VWC2L: variants seen among roughly 807,000 people sequenced by gnomAD.
VWC2L encodes von Willebrand factor C domain containing 2 like, also known as von Willebrand factor C domain-containing protein 2-like.
Under a neutral mutation model 21.6 loss-of-function variants are expected in VWC2L, and 10 were observed. The observed-to-expected ratio is 0.46, with a 90% confidence interval of 0.29 to 0.78. The LOEUF is 0.78. Among genes scored for constraint, VWC2L ranks in the 30% least tolerant of loss-of-function variants. The probability of loss-of-function intolerance (pLI) is 0.10; values close to 1 mark genes in which losing one functional copy is unlikely to be tolerated. For missense variants in VWC2L, 209 were observed against 277.1 expected (o/e 0.75, Z 1.74); for synonymous variants, 96 against 94.3 (o/e 1.02, Z -0.10).
chr2:214,422,910 C>G (rs1203535617), intron 2 of VWC2L, among the ~76,000 whole-genome samples: 1 of 152,094 alleles, frequency 6.6e-6, no homozygotes, highest in African/African-American at 2.4e-5. Flanking sequence ...TTAATTTTCC[C>G]ATTATGTCAC....
At chr2:214,570,654 T>C (rs1050321924) in intron 3 of VWC2L, among the ~76,000 whole-genome samples, 3 of 151,862 alleles carry the variant, frequency 2.0e-5, no homozygotes, top group African/African-American at 7.3e-5. Context: ...TGAGCCACCA[T>C]GCCCGGCAGG....
chr2:214,541,774 C>T (rs1051487541), intron 3 of VWC2L, among the ~76,000 whole-genome samples: 1 of 152,112 alleles, frequency 6.6e-6, no homozygotes, highest in Non-Finnish European at 1.5e-5. Flanking sequence ...AATCACAGAG[C>T]TTTTGTTTAT....
intron 3 of VWC2L, among the ~76,000 whole-genome samples, chr2:214,474,888 G>C (rs1688488708): frequency 6.6e-6 from 1 of 152,136 alleles, no homozygotes; most frequent in Non-Finnish European, 1.5e-5. Context: ...GCTTCTCCCA[G>C]CTTCCCAGTC....
At chr2:214,442,377 T>C (rs1200329689) in intron 3 of VWC2L, among the ~76,000 whole-genome samples, 1 of 152,084 alleles carries the variant, frequency 6.6e-6, no homozygotes, top group East Asian at 1.9e-4. Context: ...ACAAAAACAA[T>C]AGATGTGAAC....
chr2:214,451,317 G>A (rs529548197), intron 3 of VWC2L, among the ~76,000 whole-genome samples: 2 of 149,212 alleles, frequency 1.3e-5, no homozygotes, highest in African/African-American at 4.9e-5. Context: ...GTGGGGGGGG[G>A]GGGCAGTAAA....
chr2:214,433,853 T>C (rs979734203), intron 2 of VWC2L, among the ~76,000 whole-genome samples: 1 of 152,112 alleles, frequency 6.6e-6, no homozygotes, highest in Non-Finnish European at 1.5e-5. Context: ...CTGGAGAGGA[T>C]GGAAAGGGGT....
chr2:214,477,250 AG>A (rs1688538459), intron 3 of VWC2L, among the ~76,000 whole-genome samples: 1 of 152,218 alleles, frequency 6.6e-6, no homozygotes, highest in Non-Finnish European at 1.5e-5. Context: ...ACTATCCTAT[AG>A]CAATGTTGGG....
chr2:214,563,574 A>G lies in VWC2L; in HGVS notation c.521-12098A>G, dbSNP rs865972289. Among the ~76,000 whole-genome samples, 91 of 137,862 alleles carry G rather than the reference A, an allele frequency of 6.6e-4. 3 individuals are homozygous for G. In the South Asian group the frequency reaches 9.7e-3, roughly 15 times the overall value. 90.4% of individuals were successfully genotyped at this position (137,862 alleles called of 152,430 possible). A position where few individuals can be genotyped will look rare whatever the true frequency, so the allele number is the denominator to read the frequency against. Reference sequence around the variant, plus strand: ...AAAAAAAAAAAAAAAAAAAAAAAAAAAAAAAAATCAAGTGGTTCTAAATGT... The same window carrying G: ...AAAAAAAAAAAAAAAAAAAAAAAAAGAAAAAAATCAAGTGGTTCTAAATGT... On this transcript the variant is annotated intron_variant, in intron 3 of 3. Transcript: ENST00000312504.
At chr2:214,495,703 A>C (rs1688802339) in intron 3 of VWC2L, among the ~76,000 whole-genome samples, 1 of 152,166 alleles carries the variant, frequency 6.6e-6, no homozygotes, top group Admixed American at 6.6e-5. Flanking sequence ...TTATCTCTGT[A>C]AAAGTATTTG....
chr2:214,517,746 A>G (rs12619360), intron 3 of VWC2L, among the ~76,000 whole-genome samples: 20,925 of 152,274 alleles, frequency 0.14, 1,756 homozygotes, highest in East Asian at 0.27. Flanking sequence ...TGGTGATAAT[A>G]CAAGGCATAA....
In VWC2L at chr2:214,575,951, G is replaced by A. The variant is rs1159649935; in HGVS notation, c.*131G>A. The A allele has an allele frequency of 2.0e-6, 2 of 998,176 alleles. No homozygotes were observed. Among genetic ancestry groups the A allele is most frequent in the Non-Finnish European group, 2.9e-6 (2 of 695,580 alleles). 61.8% of individuals were successfully genotyped at this position (998,176 alleles called of 1,614,324 possible). ...AGGGTCACCAGCAAAACTTTCTAGGGTTGACAAAAGTGAATATTTTCCTAA... is the reference window on the plus strand; with the variant it reads ...AGGGTCACCAGCAAAACTTTCTAGGATTGACAAAAGTGAATATTTTCCTAA... On this transcript the variant is annotated 3_prime_UTR_variant, in exon 4 of 4. Coordinates refer to ENST00000312504, the MANE Select transcript of VWC2L (RefSeq NM_001080500.4).
intron 3 of VWC2L, among the ~76,000 whole-genome samples, chr2:214,552,704 C>T (rs775328450): frequency 3.3e-5 from 5 of 151,906 alleles, no homozygotes; most frequent in Non-Finnish European, 7.4e-5. Context: ...AGTCATCTTC[C>T]TATTATATAT....
chr2:214,477,943 A>C (rs1305268678), intron 3 of VWC2L, among the ~76,000 whole-genome samples: 2 of 152,044 alleles, frequency 1.3e-5, no homozygotes, highest in Non-Finnish European at 2.9e-5. Context: ...TTTCTTTTTG[A>C]TTTTTCTCTT....
intron 3 of VWC2L, among the ~76,000 whole-genome samples, chr2:214,521,624 T>C (rs565541880): frequency 1.2e-4 from 19 of 152,230 alleles, no homozygotes; most frequent in African/African-American, 4.1e-4. Flanking sequence ...AGTAAGCTCA[T>C]TCCCTACCTC....
In VWC2L at chr2:214,454,598, C is replaced by CTTTTTTT. The variant is rs34032234; in HGVS notation, c.520+17857_520+17863dup. On this transcript the variant is annotated intron_variant, in intron 3 of 3. Transcript: ENST00000312504. Reference sequence around the variant, plus strand: ...ATACTGAATTACATTGATTGATTTTCTTTTTTTTTTTTTTTTTTTTTTTGA... The same window carrying CTTTTTTT: ...ATACTGAATTACATTGATTGATTTTCTTTTTTTTTTTTTTTTTTTTTTTTTTTTTTGA... Among the ~76,000 whole-genome samples the CTTTTTTT allele has an allele frequency of 2.1e-3, 134 of 64,150 alleles. 16 individuals are homozygous for CTTTTTTT. Among genetic ancestry groups the CTTTTTTT allele is most frequent in the African/African-American group, 2.7e-3 (42 of 15,534 alleles). The allele number at this position is 64,150 out of a possible 152,430, so 42.1% of individuals were successfully genotyped here.
rs183993443 is a variant in VWC2L, at chr2:214,482,426, C to T, written c.520+45668C>T. On this transcript the variant is annotated intron_variant, in intron 3 of 3. Coordinates refer to ENST00000312504, the MANE Select transcript of VWC2L (RefSeq NM_001080500.4). ...AGTACCAGCATGGAGAAAATTTTTT[C>T]TGTCTCTCCAAACTGGTAAAATATA... Among the ~76,000 whole-genome samples, 1,318 of 151,832 alleles carry T rather than the reference C, an allele frequency of 8.7e-3. 20 individuals are homozygous for T. Among genetic ancestry groups the T allele is most frequent in the African/African-American group, 0.03 (1,244 of 41,364 alleles).
At chr2:214,484,632 T>C (rs1156453780) in intron 3 of VWC2L, among the ~76,000 whole-genome samples, 1 of 152,208 alleles carries the variant, frequency 6.6e-6, no homozygotes, top group Admixed American at 6.5e-5. Context: ...GGCCTCTTTA[T>C]GGGCTCAATT....
Position 214,501,808 on chromosome 2 carries a change from G to A in VWC2L, c.520+65050G>A, listed in dbSNP as rs549920951. ...CTTGCTGCTGCCATTGCTCTCTTGG[G>A]ATCTTTGAGCCACTATATAAGACTC... On this transcript the variant is annotated intron_variant, in intron 3 of 3. Transcript: ENST00000312504. Among the ~76,000 whole-genome samples, 6 of 152,020 alleles carry A rather than the reference G, an allele frequency of 3.9e-5. No individual in the cohort carries two copies. The South Asian group carries it at 1.2e-3, about 32-fold the overall frequency.
At chr2:214,570,943 G>A (rs1690140819) in intron 3 of VWC2L, among the ~76,000 whole-genome samples, 1 of 152,146 alleles carries the variant, frequency 6.6e-6, no homozygotes, top group African/African-American at 2.4e-5. Flanking sequence ...CAGCAGCAGT[G>A]AGAACTTCAC....
Sources: gnomAD v4.1 joint callset for allele counts (sites outside exome capture counted in the v4.1 genomes callset) on GRCh38, gnomAD v4.1.1 for gene constraint, MANE v1.5 for transcripts, NCBI Gene and HGNC (gene_info 2026-07-23, HGNC 2026-07-21) for gene names.